BPI: variants seen among roughly 807,000 people sequenced by gnomAD.
BPI encodes the protein bactericidal permeability increasing protein.
BPI carries 48 observed loss-of-function variants against 57.6 expected under a neutral mutation model. That is an observed-to-expected ratio of 0.83 (90% CI 0.66 to 1.06). The LOEUF (loss-of-function observed/expected upper bound fraction) is 1.06. BPI is among the 50% of genes least tolerant of loss of function. The probability of loss-of-function intolerance (pLI) is 0.00; values close to 1 mark genes in which losing one functional copy is unlikely to be tolerated. For missense variants in BPI, 651 were observed against 609.7 expected (o/e 1.07, Z -0.71); for synonymous variants, 237 against 238.2 (o/e 0.99, Z 0.05).
intron 1 of BPI, among the ~76,000 whole-genome samples, chr20:38,306,192 C>A (rs571860216): frequency 6.6e-6 from 1 of 152,134 alleles, no homozygotes; most frequent in Non-Finnish European, 1.5e-5. Context: ...CCATCACACC[C>A]AGCTAATTTT....
In BPI at chr20:38,317,883, C is replaced by T. The variant is rs2076659925; in HGVS notation, c.601-530C>T. On this transcript the variant is annotated intron_variant, in intron 5 of 14. Transcript: ENST00000642449. The stretch of plus-strand genomic sequence containing the variant: ...CCATTGTGAGTCATGGGCTAGGGGA[C>T]AGGGGGATTGGGGTGGAGTGGCAAA... The T allele has an allele frequency of 6.9e-6, 10 of 1,457,244 alleles. No homozygotes were observed. The South Asian group carries it at 1.3e-4, about 19-fold the overall frequency. 90.3% of individuals were successfully genotyped at this position (1,457,244 alleles called of 1,614,324 possible).
rs568217571 is a variant in BPI, at chr20:38,305,524, C to T, written c.130+1171C>T. 8.5e-5 allele frequency among the ~76,000 whole-genome samples: 13 copies of T among 152,304 alleles called. No individual in the cohort carries two copies. In the South Asian group the frequency reaches 1.5e-3, roughly 17 times the overall value. ...CTTTGGCATGGCATTTGAGACCCTT[C>T]GAGGCCTGGCCCCTGTCAACTTACA... On this transcript the variant is annotated intron_variant, in intron 1 of 14. Coordinates refer to ENST00000642449, the MANE Select transcript of BPI (RefSeq NM_001725.3).
intron 5 of BPI, among the ~76,000 whole-genome samples, chr20:38,314,328 G>A (rs1256642637): frequency 6.9e-6 from 1 of 144,080 alleles, no homozygotes; most frequent in Non-Finnish European, 1.5e-5. Flanking sequence ...GGTGATAGTG[G>A]GGATGATGAT....
intron 3 of BPI, among the ~76,000 whole-genome samples, chr20:38,309,619 G>A (rs1455729523): frequency 6.6e-6 from 1 of 152,136 alleles, no homozygotes. Context: ...CATTTCACGT[G>A]GCCAAGCCCA....
chr20:38,304,206 T>A lies in BPI; in HGVS notation c.-18T>A, dbSNP rs370720275. On this transcript the variant is annotated 5_prime_UTR_variant, in exon 1 of 15. Coordinates refer to ENST00000642449, the MANE Select transcript of BPI (RefSeq NM_001725.3). ...CAAGGCCTTGAGGTTTTGGCAGCTC[T>A]GGAGGATGAGAGAGAACATGGCCAG... 35 of 1,614,136 alleles carry A rather than the reference T, an allele frequency of 2.2e-5. No individual in the cohort carries two copies. The African/African-American group carries it at 4.4e-4, about 20-fold the overall frequency.
intron 1 of BPI, among the ~76,000 whole-genome samples, chr20:38,305,403 C>T (rs2076592286): frequency 6.6e-6 from 1 of 152,206 alleles, no homozygotes; most frequent in African/African-American, 2.4e-5. Context: ...TTGTGCCAAT[C>T]GGAGTGAGTT....
chr20:38,326,530 A>T lies in BPI; in HGVS notation c.1161+98A>T, dbSNP rs991743630. 3.7e-6 allele frequency: 5 copies of T among 1,359,440 alleles called. No individual in the cohort carries two copies. The African/African-American group carries it at 4.4e-5, about 12-fold the overall frequency. The allele number at this position is 1,359,440 out of a possible 1,614,324, so 84.2% of individuals were successfully genotyped here. A position where few individuals can be genotyped will look rare whatever the true frequency, so the allele number is the denominator to read the frequency against. On this transcript the variant is annotated intron_variant, in intron 10 of 14. Transcript: ENST00000642449. ...ACCATGTGAATCCTGTCTGGATTCA[A>T]ACCTGGACTGTGTCACTCCGGAGCC...
chr20:38,323,109 C>T (rs369038129), intron 7 of BPI, among the ~76,000 whole-genome samples: 33 of 152,268 alleles, frequency 2.2e-4, no homozygotes, highest in East Asian at 1.2e-3. Context: ...AAATAACTAA[C>T]GAGGCCCCCT....
At position 38,308,604 on chromosome 20, in the gene BPI, A is replaced by G. The variant is rs115954712; in HGVS notation, c.246-326A>G. ...AGGGCCTTCTATTTTATCTTCATTG[A>G]TTGCCACACACCCTGCAAAATAGCA... is the stretch of plus-strand genomic sequence containing the variant. On this transcript the variant is annotated intron_variant, in intron 2 of 14. Transcript: ENST00000642449. Among the ~76,000 whole-genome samples, 740 of 152,272 alleles carry G rather than the reference A, an allele frequency of 4.9e-3. 7 individuals carry two copies. The highest frequency in any genetic ancestry group is 0.017 in the African/African-American group (692 of 41,550).
intron 11 of BPI, 108 bp from the exon 12 acceptor site, chr20:38,330,940 G>A (rs1243395196): frequency 2.3e-6 from 3 of 1,314,358 alleles, no homozygotes; most frequent in Non-Finnish European, 3.2e-6. Flanking sequence ...GATACTGGGT[G>A]GGAAAACCAG....
chr20:38,313,363 A>G (rs962454374), intron 5 of BPI, among the ~76,000 whole-genome samples: 1 of 135,048 alleles, frequency 7.4e-6, no homozygotes, highest in Non-Finnish European at 1.5e-5. Context: ...AGCCTGGGCA[A>G]CGAGAGTGAA....
chr20:38,326,255 G>A lies in BPI; in HGVS notation c.994-10G>A. 2.5e-6 allele frequency: 4 copies of A among 1,609,122 alleles called. No homozygotes were observed. The highest frequency in any genetic ancestry group is 3.4e-6 in the Non-Finnish European group (4 of 1,177,052). ...CTCCTTTCGTTGATTGTCTCCACTG[G>A]GGGCTGCAGGTGGCCAAGAAGTTTC... On this transcript the variant is annotated splice_polypyrimidine_tract_variant and intron_variant, in intron 9 of 14. Coordinates refer to ENST00000642449, the MANE Select transcript of BPI (RefSeq NM_001725.3).
intron 10 of BPI, among the ~76,000 whole-genome samples, chr20:38,326,823 GA>G (rs1183077171): frequency 1.3e-5 from 2 of 152,088 alleles, no homozygotes; most frequent in Admixed American, 1.3e-4. Context: ...TTGTTGACTT[GA>G]AATATGTTAT....
Position 38,318,418 on chromosome 20 carries a change from C to A in BPI, c.606C>A (p.Cys202Ter), listed in dbSNP as rs144221701. 5.6e-6 allele frequency: 9 copies of A among 1,613,376 alleles called. No individual in the cohort carries two copies. Among genetic ancestry groups the A allele is most frequent in the South Asian group, 1.1e-5 (1 of 91,068 alleles). The change falls in exon 6 of 15, where the codon TGC becomes TGA. Residue 202 changes from cysteine (C) to a stop codon, truncating the protein, a stop_gained. Coordinates refer to ENST00000642449, the MANE Select transcript of BPI (RefSeq NM_001725.3). LOFTEE classifies it high-confidence loss of function. ...ACTTGTTTGGTTCTCCCCAGGTCTG[C>A]GAGAAAGTGACCAATTCTGTATCCT... ...ALRNKMNSQVCEKVTNSVSSE... is the reference protein window; with the variant it reads ...ALRNKMNSQV
At chr20:38,310,183 T>G (rs1281994551) in intron 3 of BPI, among the ~76,000 whole-genome samples, 3 of 152,094 alleles carry the variant, frequency 2.0e-5, no homozygotes, top group African/African-American at 7.2e-5. Context: ...TGATCCAGGG[T>G]CTGAGGGAGG....
chr20:38,336,053 T>A (rs567832832), intron 14 of BPI, among the ~76,000 whole-genome samples: 1 of 152,198 alleles, frequency 6.6e-6, no homozygotes, highest in Non-Finnish European at 1.5e-5. Flanking sequence ...GGGTATAACA[T>A]GTGGTCGACG....
intron 13 of BPI, among the ~76,000 whole-genome samples, chr20:38,335,235 A>G (rs984616183): frequency 1.3e-5 from 2 of 152,058 alleles, no homozygotes; most frequent in Non-Finnish European, 2.9e-5. Context: ...TTTATCCTAA[A>G]TGTTGAGGGG....
intron 5 of BPI, among the ~76,000 whole-genome samples, chr20:38,312,710 G>A (rs2076627526): frequency 6.6e-6 from 1 of 152,226 alleles, no homozygotes; most frequent in Non-Finnish European, 1.5e-5. Context: ...CCACTGAGGA[G>A]TCTCATGCGG....
At position 38,309,059 on chromosome 20, in the gene BPI, G is replaced by A. The variant is rs61339792; in HGVS notation, c.374+1G>A. 220 of 1,614,080 alleles carry A rather than the reference G, an allele frequency of 1.4e-4. 1 individual carries two copies. The African/African-American group carries it at 2.8e-3, about 20-fold the overall frequency. ...AATGGAAGGCACAAAAGAGATTCTT[G>A]TGCGTTTCCATGCTTGCGGTTTGTT... On this transcript the variant is annotated splice_donor_variant, in intron 3 of 14. Transcript: ENST00000642449. LOFTEE classifies it high-confidence loss of function.
Sources: gnomAD v4.1 joint callset for allele counts (sites outside exome capture counted in the v4.1 genomes callset) on GRCh38, gnomAD v4.1.1 for gene constraint, MANE v1.5 for transcripts, NCBI Gene and HGNC (gene_info 2026-07-23, HGNC 2026-07-21) for gene names.